EYA1: variants seen among roughly 807,000 people sequenced by gnomAD.
EYA1 encodes EYA transcriptional coactivator and phosphatase 1, also known as protein phosphatase EYA1.
In EYA1, 16 loss-of-function variants were observed where a neutral mutation model predicts 82.0. That is an observed-to-expected ratio of 0.20 (90% CI 0.13 to 0.30). The LOEUF is 0.30. Among genes scored for constraint, EYA1 ranks in the 10% least tolerant of loss-of-function variants. EYA1 has a pLI of 1.00. For missense variants in EYA1, 633 were observed against 730.7 expected (o/e 0.87, Z 1.54); for synonymous variants, 261 against 264.4 (o/e 0.99, Z 0.12).
chr8:71,443,098 C>A (rs1385341569), intron 2 of EYA1, among the ~76,000 whole-genome samples: 5 of 152,120 alleles, frequency 3.3e-5, no homozygotes, highest in Admixed American at 3.3e-4. Context: ...AGAAGAATGT[C>A]ATGGCTAGGT....
At chr8:71,503,465 T>C (rs759740279) in intron 2 of EYA1, among the ~76,000 whole-genome samples, 11 of 148,660 alleles carry the variant, frequency 7.4e-5, no homozygotes, top group Non-Finnish European at 1.5e-4. Flanking sequence ...AGAGTAAGAC[T>C]CCATCTCAAA....
At chr8:71,438,542 A>G (rs1806168609) in intron 2 of EYA1, among the ~76,000 whole-genome samples, 1 of 152,176 alleles carries the variant, frequency 6.6e-6, no homozygotes, top group African/African-American at 2.4e-5. Context: ...ATAAGATTAC[A>G]CTGAGTGGCA....
intron 2 of EYA1, among the ~76,000 whole-genome samples, chr8:71,372,661 T>C (rs1326550854): frequency 6.6e-6 from 1 of 152,096 alleles, no homozygotes; most frequent in African/African-American, 2.4e-5. Flanking sequence ...AGGGAATTGA[T>C]ACAATAACAG....
intron 3 of EYA1, among the ~76,000 whole-genome samples, chr8:71,354,154 TA>T (rs1826602706): frequency 6.6e-6 from 1 of 152,120 alleles, no homozygotes. Context: ...TCATATGTAT[TA>T]ATTACACAGA....
At chr8:71,487,849 G>A (rs1300634244) in intron 2 of EYA1, among the ~76,000 whole-genome samples, 1 of 152,180 alleles carries the variant, frequency 6.6e-6, no homozygotes, top group African/African-American at 2.4e-5. Flanking sequence ...GGAGCAATTG[G>A]AAAGCTCAGA....
chr8:71,325,679 T>C (rs1823069671), intron 4 of EYA1, among the ~76,000 whole-genome samples: 1 of 152,204 alleles, frequency 6.6e-6, no homozygotes, highest in African/African-American at 2.4e-5. Flanking sequence ...GTATACCTTA[T>C]GAAATAAATG....
intron 2 of EYA1, among the ~76,000 whole-genome samples, chr8:71,418,864 G>C (rs1830996508): frequency 1.3e-5 from 2 of 152,216 alleles, no homozygotes; most frequent in Admixed American, 1.3e-4. Context: ...AGGACTCTCT[G>C]ATAAGATGAC....
chr8:71,485,778 G>C (rs1373998948), intron 2 of EYA1, among the ~76,000 whole-genome samples: 1 of 152,160 alleles, frequency 6.6e-6, no homozygotes, highest in South Asian at 2.1e-4. Context: ...GGGCTGAAAT[G>C]TTTCCAAAAG....
intron 2 of EYA1, among the ~76,000 whole-genome samples, chr8:71,461,812 A>C (rs1006178159): frequency 6.6e-6 from 1 of 152,096 alleles, no homozygotes; most frequent in African/African-American, 2.4e-5. Context: ...GGGAAGCTCC[A>C]TTCCCTAGCC....
intron 11 of EYA1, among the ~76,000 whole-genome samples, chr8:71,248,405 T>C (rs1182005810): frequency 6.6e-6 from 1 of 152,246 alleles, no homozygotes; most frequent in Admixed American, 6.5e-5. Flanking sequence ...CTCTCTTATG[T>C]GCACACACAC....
intron 3 of EYA1, chr8:71,334,378 G>A (rs1374400686): frequency 3.1e-6 from 2 of 635,354 alleles, no homozygotes; most frequent in Admixed American, 2.4e-5. Flanking sequence ...ACAATCTATT[G>A]TCACAAGTTA....
chr8:71,539,495 A>G (rs1814980376), intron 1 of EYA1, among the ~76,000 whole-genome samples: 1 of 152,204 alleles, frequency 6.6e-6, no homozygotes, highest in Non-Finnish European at 1.5e-5. Context: ...GGCAGGTGGC[A>G]TGAGGAACAG....
At chr8:71,329,507 TTC>T (rs1012302047) in intron 4 of EYA1, among the ~76,000 whole-genome samples, 2 of 152,106 alleles carry the variant, frequency 1.3e-5, no homozygotes, top group Non-Finnish European at 2.9e-5. Flanking sequence ...GTCCATCCTA[TTC>T]TCTGTTTCTA....
chr8:71,443,525 C>A (rs1806592741), intron 2 of EYA1, among the ~76,000 whole-genome samples: 1 of 152,172 alleles, frequency 6.6e-6, no homozygotes, highest in Non-Finnish European at 1.5e-5. Context: ...GGGTGATCCA[C>A]CCTCCTTGGC....
chr8:71,223,411 TGTGC>T (rs1810182232), intron 12 of EYA1, among the ~76,000 whole-genome samples: 2 of 152,328 alleles, frequency 1.3e-5, no homozygotes, highest in African/African-American at 4.8e-5. Context: ...TGACACCACC[TGTGC>T]TTCACAGAGG....
intron 9 of EYA1, among the ~76,000 whole-genome samples, chr8:71,295,678 G>A (rs185309493): frequency 9.2e-5 from 14 of 152,268 alleles, no homozygotes; most frequent in Non-Finnish European, 1.5e-4. Flanking sequence ...AAAGCTAAAC[G>A]TAGTGCTGCC....
chr8:71,494,740 C>A (rs1811284173), intron 2 of EYA1, among the ~76,000 whole-genome samples: 1 of 152,094 alleles, frequency 6.6e-6, no homozygotes, highest in African/African-American at 2.4e-5. Context: ...GAATACACAG[C>A]TGCTTTAAGT....
chr8:71,500,067 G>A (rs771704975), intron 2 of EYA1, among the ~76,000 whole-genome samples: 12 of 152,172 alleles, frequency 7.9e-5, no homozygotes, highest in Admixed American at 1.3e-4. Flanking sequence ...TCAATTTCAG[G>A]CATGTTTAAT....
At chr8:71,368,897 A>G (rs1471176472) in intron 2 of EYA1, among the ~76,000 whole-genome samples, 1 of 151,962 alleles carries the variant, frequency 6.6e-6, no homozygotes, top group Admixed American at 6.6e-5. Flanking sequence ...TCACATTAAG[A>G]TCTTCTTAAG....
Sources: gnomAD v4.1 joint callset for allele counts (sites outside exome capture counted in the v4.1 genomes callset) on GRCh38, gnomAD v4.1.1 for gene constraint, MANE v1.5 for transcripts, NCBI Gene and HGNC (gene_info 2026-07-23, HGNC 2026-07-21) for gene names.